ZNF438: variants seen among roughly 807,000 people sequenced by gnomAD.
The protein encoded by ZNF438 is zinc finger protein 438.
A neutral mutation model predicts 38.0 loss-of-function variants in ZNF438; 25 were observed. The ratio of observed to expected loss-of-function variants is 0.66; its 90% CI spans 0.48 to 0.92. The LOEUF is 0.92. ZNF438 is among the 40% of genes least tolerant of loss of function. The pLI is 0.00. For missense variants in ZNF438, 1,007 were observed against 999.6 expected (o/e 1.01, Z -0.10); for synonymous variants, 372 against 364.1 (o/e 1.02, Z -0.25).
At chr10:30,893,236 T>C (rs531994136) in intron 3 of ZNF438, among the ~76,000 whole-genome samples, 1 of 152,352 alleles carries the variant, frequency 6.6e-6, no homozygotes, top group African/African-American at 2.4e-5. Flanking sequence ...GTCTCAACTT[T>C]AGCTGAATAT....
At chr10:30,866,719 A>G (rs908610627) in intron 4 of ZNF438, among the ~76,000 whole-genome samples, 2 of 152,152 alleles carry the variant, frequency 1.3e-5, no homozygotes, top group African/African-American at 4.8e-5. Context: ...CTGTAGTCCC[A>G]GCTACTCGGG....
intron 1 of ZNF438, chr10:30,999,292 T>C (rs1401573085): frequency 2.6e-5 from 4 of 152,158 alleles, no homozygotes; most frequent in African/African-American, 9.7e-5. Context: ...AAATACATCA[T>C]TTTCTCCCTC....
chr10:30,880,953 A>G (rs1267198687), intron 3 of ZNF438, among the ~76,000 whole-genome samples: 6 of 152,160 alleles, frequency 3.9e-5, no homozygotes, highest in African/African-American at 1.4e-4. Flanking sequence ...AAAAAAAACA[A>G]CCCTTTATAA....
At chr10:30,946,650 T>G (rs2047447903) in intron 1 of ZNF438, among the ~76,000 whole-genome samples, 1 of 152,232 alleles carries the variant, frequency 6.6e-6, no homozygotes, top group Non-Finnish European at 1.5e-5. Flanking sequence ...ACAGTATAGT[T>G]AGGTCTTGCT....
intron 1 of ZNF438, among the ~76,000 whole-genome samples, chr10:30,986,986 CA>C (rs1269508590): frequency 3.3e-5 from 5 of 151,994 alleles, no homozygotes; most frequent in African/African-American, 1.2e-4. Context: ...AATGGTGAAA[CA>C]GAAATAAACT....
intron 3 of ZNF438, among the ~76,000 whole-genome samples, chr10:30,903,687 T>A (rs926314988): frequency 1.3e-5 from 2 of 152,154 alleles, no homozygotes; most frequent in Admixed American, 6.5e-5. Context: ...TTTTGAGTAT[T>A]TAAAAAATAT....
chr10:30,932,194 C>T (rs1801087336), intron 2 of ZNF438, among the ~76,000 whole-genome samples: 1 of 152,096 alleles, frequency 6.6e-6, no homozygotes. Flanking sequence ...AGCAGGCTAA[C>T]ATTTTTAAAG....
At chr10:30,936,782 G>T (rs774096155) in intron 2 of ZNF438, among the ~76,000 whole-genome samples, 2 of 152,148 alleles carry the variant, frequency 1.3e-5, no homozygotes, top group Non-Finnish European at 2.9e-5. Flanking sequence ...TACTATTAAA[G>T]AATTGCCAAA....
At chr10:30,877,506 G>A (rs1346456584) in intron 3 of ZNF438, among the ~76,000 whole-genome samples, 1 of 152,098 alleles carries the variant, frequency 6.6e-6, no homozygotes, top group Admixed American at 6.5e-5. Flanking sequence ...TGAAGATTAT[G>A]TAGCAACATA....
At chr10:30,877,016 C>T (rs2038533233) in exon 4 of ZNF438, 4 of 1,605,948 alleles carry the variant, frequency 2.5e-6, no homozygotes, top group Non-Finnish European at 1.7e-6. Context: ...TTTGGTGGTA[C>T]TGATACAGAA....
At chr10:30,876,499 T>C (rs2038440004) in intron 4 of ZNF438, among the ~76,000 whole-genome samples, 1 of 152,196 alleles carries the variant, frequency 6.6e-6, no homozygotes, top group Admixed American at 6.5e-5. Context: ...TTTTATACAT[T>C]GCAAAAAGTA....
chr10:31,007,228 G>A (rs2055222413), intron 1 of ZNF438, among the ~76,000 whole-genome samples: 1 of 149,598 alleles, frequency 6.7e-6, no homozygotes, highest in Non-Finnish European at 1.5e-5. Flanking sequence ...CTTCCAGAAT[G>A]TAAGATAAGA....
intron 4 of ZNF438, among the ~76,000 whole-genome samples, chr10:30,861,120 A>G (rs893176862): frequency 6.6e-6 from 1 of 152,174 alleles, no homozygotes; most frequent in African/African-American, 2.4e-5. Context: ...CCACAGGACA[A>G]TGACCTCCTT....
chr10:30,978,042 T>C (rs1218824361), intron 1 of ZNF438, among the ~76,000 whole-genome samples: 1 of 151,906 alleles, frequency 6.6e-6, no homozygotes, highest in Non-Finnish European at 1.5e-5. Context: ...TAACCAGTTT[T>C]TCTAGTTAAA....
rs2049585098 is a variant in ZNF438 at position 30,962,307 on chromosome 10, C to T, written c.-191-20656G>A. 3.4e-5 allele frequency among the ~76,000 whole-genome samples: 5 copies of T among 147,392 alleles called. 1 individual carries two copies. In the Admixed American group the frequency reaches 3.4e-4, roughly 10 times the overall value. ...AACTTGTAAGTTACTCACTTTCCTT[C>T]TTCCTCCCAACCTATGCCCCAGAAA... On this transcript the variant is annotated intron_variant, in intron 1 of 5. Coordinates refer to ENST00000413025, the Ensembl canonical transcript of ZNF438.
At chr10:30,910,090 T>C (rs1454527022) in intron 2 of ZNF438, among the ~76,000 whole-genome samples, 1 of 152,216 alleles carries the variant, frequency 6.6e-6, no homozygotes, top group East Asian at 1.9e-4. Context: ...CCTGAAGCTC[T>C]CTGCCCTTGT....
chr10:30,892,533 T>A (rs1338499440), intron 3 of ZNF438, among the ~76,000 whole-genome samples: 1 of 151,982 alleles, frequency 6.6e-6, no homozygotes, highest in African/African-American at 2.4e-5. Context: ...TTCAAAAACT[T>A]TTTTTTAACA....
intron 2 of ZNF438, among the ~76,000 whole-genome samples, chr10:30,912,687 TGTCTGACATTGGACAA>T (rs755145705): frequency 6.6e-5 from 10 of 152,140 alleles, no homozygotes; most frequent in Non-Finnish European, 1.2e-4. Flanking sequence ...TTCCACTTAC[TGTCTGACATTGGACAA>T]GTCTCTTAAC....
intron 4 of ZNF438, among the ~76,000 whole-genome samples, chr10:30,861,214 T>A (rs1264080647): frequency 6.6e-6 from 1 of 152,224 alleles, no homozygotes; most frequent in Non-Finnish European, 1.5e-5. Context: ...CCTCCTCCTG[T>A]ATACCCCAAA....
Sources: allele counts gnomAD v4.1 joint callset (sites outside exome capture counted in the v4.1 genomes callset), GRCh38; gene constraint gnomAD v4.1.1; transcripts MANE v1.5; gene names NCBI Gene and HGNC (gene_info 2026-07-23, HGNC 2026-07-21).